The following DNAH10 variants were observed in gnomAD, a reference collection of about 807,000 sequenced individuals.
The protein encoded by DNAH10 is dynein axonemal heavy chain 10.
DNAH10 carries 348 observed loss-of-function variants against 506.6 expected under a neutral mutation model. The observed-to-expected ratio is 0.69, with a 90% CI of 0.63 to 0.75. DNAH10 has a LOEUF of 0.75. Among genes scored for constraint, DNAH10 ranks in the 30% least tolerant of loss-of-function variants. The probability of loss-of-function intolerance (pLI) is 0.00; values close to 1 mark genes in which losing one functional copy is unlikely to be tolerated. For missense variants in DNAH10, 5,179 were observed against 5,787.1 expected (o/e 0.89, Z 3.41); for synonymous variants, 2,059 against 2,198.6 (o/e 0.94, Z 1.78).
chr12:123,901,606 A>G (rs1329270477), intron 56 of DNAH10, among the ~76,000 whole-genome samples: 3 of 152,244 alleles, frequency 2.0e-5, no homozygotes, highest in African/African-American at 7.2e-5. Flanking sequence ...CTGCTCTAAC[A>G]AAGCACCATG....
rs1222845728 is a variant in DNAH10, at chr12:123,881,729, C to A, written c.8739C>A (p.Asp2913Glu). ...LTRVHRIIRM[D>E]RGHALLVGVG... ...GGGTGCACCGTATCATCCGCATGGA[C>A]CGCGGCCACGCCCTGCTGGTCGGGG... Residue 2913 changes from aspartate (D) to glutamate (E), a missense_variant, in exon 51 of 79, where the codon GAC (aspartate) becomes GAA (glutamate). Coordinates refer to ENST00000673944, the MANE Select transcript of DNAH10 (RefSeq NM_001372106.1). 2 of 1,548,532 alleles carry A rather than the reference C, an allele frequency of 1.3e-6. No homozygotes were observed. The highest frequency in any genetic ancestry group is 1.2e-5 in the South Asian group (1 of 83,448).
chr12:123,840,394 GTTTTTTTTTTTTTTTT>G (rs71088961), intron 29 of DNAH10, among the ~76,000 whole-genome samples: 7 of 37,758 alleles, frequency 1.9e-4, no homozygotes, highest in Non-Finnish European at 2.6e-4. Flanking sequence ...TCTGTTTCCA[GTTTTTTTTTTTTTTTT>G]TTTTTTTTTT....
intron 30 of DNAH10, 143 bp downstream of exon 30, chr12:123,841,688 T>C (rs1950781439): frequency 2.7e-6 from 2 of 728,218 alleles, no homozygotes; most frequent in South Asian, 3.8e-5. Flanking sequence ...CAGATAGATG[T>C]CTTTATTTTT....
At chr12:123,889,210 A>T (rs1360624199) in intron 52 of DNAH10, among the ~76,000 whole-genome samples, 1 of 152,056 alleles carries the variant, frequency 6.6e-6, no homozygotes, top group Admixed American at 6.5e-5. Context: ...TTGCAACATC[A>T]CTGCTCTCCC....
At position 123,819,026 on chromosome 12, in the gene DNAH10, T is replaced by TGGAG. The variant is rs763405086; in HGVS notation, c.3858_3861dup (p.His1288GlyfsTer36). 6.2e-7 allele frequency: 1 copy of TGGAG among 1,606,470 alleles called. No individual in the cohort carries two copies. Among genetic ancestry groups the TGGAG allele is most frequent in the Non-Finnish European group, 8.5e-7 (1 of 1,176,308 alleles). Reference sequence around the variant, plus strand: ...AATCTGTTTAATGATTCAGTGAATGTGGAGCATGCTCTTGGGGACATAAAG... The same window carrying TGGAG: ...AATCTGTTTAATGATTCAGTGAATGTGGAGGGAGCATGCTCTTGGGGACATAAAG... On this transcript the variant is annotated frameshift_variant, in exon 22 of 79. Coordinates refer to ENST00000673944, the MANE Select transcript of DNAH10 (RefSeq NM_001372106.1). LOFTEE classifies it high-confidence loss of function.
Position 123,820,594 on chromosome 12 carries a change from G to A in DNAH10, c.4015G>A (p.Gly1339Ser). ...DDLDKGVELL[G>S]VYERELARHE... ...TTATTTACTAGGAGTAGAGCTTTTA[G>A]GTGTTTATGAAAGAGAGCTGGCAAG... The change falls in exon 24 of 79, where the codon GGT becomes AGT. Residue 1339 changes from glycine to serine, a missense_variant. By Grantham distance (56) the Gly-to-Ser change is moderately conservative (BLOSUM62 0). Around this residue, in one of 3 missense-constraint regions of DNAH10, gnomAD observed 4,844 missense variants for 5,430.5 expected, o/e 0.89. Coordinates refer to ENST00000673944, the MANE Select transcript of DNAH10 (RefSeq NM_001372106.1). The A allele has an allele frequency of 3.1e-6, 5 of 1,613,810 alleles. No homozygotes were observed. Among genetic ancestry groups the A allele is most frequent in the Non-Finnish European group, 4.2e-6 (5 of 1,179,878 alleles).
chr12:123,787,734 C>T lies in DNAH10; in HGVS notation c.1422-70C>T. On this transcript the variant is annotated intron_variant, in intron 9 of 78. Transcript: ENST00000673944. The surrounding 1 kb of genome is among the most constrained non-coding windows in gnomAD (Gnocchi z 4.6). ...CAGAGCTTCACGGGACACTGGCTCC[C>T]CAGCCGGGGAGTGCGGCTCGGACCC... 1 of 1,553,972 alleles carries T rather than the reference C, an allele frequency of 6.4e-7. No homozygotes were observed. Among genetic ancestry groups the T allele is most frequent in the South Asian group, 1.2e-5 (1 of 85,024 alleles).
At chr12:123,769,300 C>T (rs1053794729) in intron 2 of DNAH10, among the ~76,000 whole-genome samples, 1 of 151,896 alleles carries the variant, frequency 6.6e-6, no homozygotes, top group Admixed American at 6.6e-5. Context: ...CACACGCCAC[C>T]TCATCCAGCT....
chr12:123,864,634 G>A lies in DNAH10; in HGVS notation c.6948G>A (p.Val2316=), dbSNP rs1951733734. 1 of 1,613,960 alleles carries A rather than the reference G, an allele frequency of 6.2e-7. No individual in the cohort carries two copies. Among genetic ancestry groups the A allele is most frequent in the Non-Finnish European group, 8.5e-7 (1 of 1,179,888 alleles). The change falls in exon 40 of 79, where the codon GTG becomes GTA. Residue 2316 remains valine (V), a synonymous_variant. Transcript: ENST00000673944. Reference sequence around the variant, plus strand: ...ATGGTGATGTGGATGCTCTATGGGTGGAAAACATGAATTCTGTGATGGATG... The same window carrying A: ...ATGGTGATGTGGATGCTCTATGGGTAGAAAACATGAATTCTGTGATGGATG... ...LFDGDVDALW[V]ENMNSVMDDN...
chr12:123,868,582 A>G (rs1951903306), intron 43 of DNAH10, among the ~76,000 whole-genome samples: 2 of 152,266 alleles, frequency 1.3e-5, no homozygotes, highest in Non-Finnish European at 2.9e-5. Context: ...AAATCATACA[A>G]TTAACATTTT....
At chr12:123,778,524 C>T (rs1957524185) in intron 5 of DNAH10, among the ~76,000 whole-genome samples, 2 of 151,878 alleles carry the variant, frequency 1.3e-5, no homozygotes, top group South Asian at 4.2e-4. Flanking sequence ...GCGAAACCTC[C>T]ATCTCTACTA....
Position 123,835,006 on chromosome 12 carries a change from C to A in DNAH10, c.4780-400C>A, listed in dbSNP as rs780350127. ...AGCATTCATGTACAACTACTTGAGT[C>A]CCTGTTTTCAATTCTTTTGGGTCAA... is the stretch of plus-strand genomic sequence containing the variant. On this transcript the variant is annotated intron_variant, in intron 27 of 78. Transcript: ENST00000673944. Among the ~76,000 whole-genome samples, 3 of 152,142 alleles carry A rather than the reference C, an allele frequency of 2.0e-5. 1 individual carries two copies. Among genetic ancestry groups the A allele is most frequent in the Admixed American group, 1.3e-4 (2 of 15,272 alleles).
In DNAH10 at chr12:123,916,440, C is replaced by T. The variant is rs996133257; in HGVS notation, c.10723-17C>T. On this transcript the variant is annotated splice_polypyrimidine_tract_variant and intron_variant, in intron 62 of 78. Transcript: ENST00000673944. The surrounding 1 kb of genome is among the most constrained non-coding windows in gnomAD (Gnocchi z 4.6). ...GTTAAACGTGGGCTTTCAGCATCTG[C>T]CTCCCTTCTCTTCCAGGTCGCTTCC... 1.3e-6 allele frequency: 2 copies of T among 1,593,352 alleles called. No individual in the cohort carries two copies. The highest frequency in any genetic ancestry group is 2.3e-5 in the South Asian group (2 of 88,316).
intron 52 of DNAH10, among the ~76,000 whole-genome samples, chr12:123,889,099 T>G (rs1952864327): frequency 6.6e-6 from 1 of 152,204 alleles, no homozygotes; most frequent in Non-Finnish European, 1.5e-5. Context: ...TCTAGATCCC[T>G]CCTTTCTCGC....
At chr12:123,809,828 A>C (rs966664587) in intron 19 of DNAH10, among the ~76,000 whole-genome samples, 5 of 152,016 alleles carry the variant, frequency 3.3e-5, no homozygotes, top group Admixed American at 3.3e-4. Flanking sequence ...TCCTACGAGG[A>C]TCATGCTCCC....
rs1489765191 is a variant in DNAH10, at chr12:123,794,014, G to A, written c.1888G>A (p.Asp630Asn). Residue 630 changes from aspartate to asparagine, a missense_variant, in exon 12 of 79, where the codon GAC (aspartate) becomes AAC (asparagine). Asp to Asn is a conservative substitution (Grantham distance 23). Coordinates refer to ENST00000673944, the MANE Select transcript of DNAH10 (RefSeq NM_001372106.1). The part of the protein sequence containing the change: ...KTLRSAEAAF[D>N]MLLKFKHIRS... ...GCTTCGATCTGCTGAAGCAGCATTT[G>A]ACATGCTTTTAAAATTTAAGCACAT... 7.8e-7 allele frequency: 1 copy of A among 1,285,940 alleles called. No homozygotes were observed. The highest frequency in any genetic ancestry group is 1.3e-5 in the South Asian group (1 of 79,812). The allele number at this position is 1,285,940 out of a possible 1,614,324, so 79.7% of individuals were successfully genotyped here. A position where few individuals can be genotyped will look rare whatever the true frequency, so the allele number is the denominator to read the frequency against.
In DNAH10 at chr12:123,762,752, C is replaced by A. The variant is rs1408712002; in HGVS notation, c.214+202C>A. On this transcript the variant is annotated intron_variant, in intron 1 of 78. Transcript: ENST00000673944. This position sits in a 1 kb window ranked among gnomAD's most constrained non-coding sequence, Gnocchi z 5.0. ...TCCCTGCCCTCCTGGGCCCACAGCC[C>A]ACTTGAAAGTCAGGCCTTGATTGAA... 6.6e-6 allele frequency among the ~76,000 whole-genome samples: 1 copy of A among 152,252 alleles called. No individual in the cohort carries two copies. The highest frequency in any genetic ancestry group is 1.5e-5 in the Non-Finnish European group (1 of 68,038).
chr12:123,852,291 CT>C (rs1951204427), intron 35 of DNAH10, among the ~76,000 whole-genome samples: 1 of 152,190 alleles, frequency 6.6e-6, no homozygotes. Flanking sequence ...CTCTTTTAAG[CT>C]ATCTATAAAA....
At chr12:123,874,596 C>A (rs983603188) in intron 46 of DNAH10, among the ~76,000 whole-genome samples, 1 of 143,196 alleles carries the variant, frequency 7.0e-6, no homozygotes, top group African/African-American at 2.6e-5. Flanking sequence ...TCCATCCATC[C>A]ATCCATCTAC....
Sources: allele counts gnomAD v4.1 joint callset (sites outside exome capture counted in the v4.1 genomes callset), GRCh38; gene constraint gnomAD v4.1.1; regional missense constraint gnomAD v4.1.1; non-coding constraint Gnocchi (gnomAD v3.1); transcripts MANE v1.5; gene names NCBI Gene and HGNC (gene_info 2026-07-23, HGNC 2026-07-21).